The following UBE2L6 variants were observed in gnomAD, a reference collection of about 807,000 sequenced individuals.
UBE2L6 encodes the protein ubiquitin/ISG15-conjugating enzyme E2 L6.
A neutral mutation model predicts 13.6 loss-of-function variants in UBE2L6; 11 were observed. The ratio of observed to expected loss-of-function variants is 0.81; its 90% CI spans 0.51 to 1.34. The LOEUF (loss-of-function observed/expected upper bound fraction) is 1.34, where lower values mean the gene tolerates loss of function less well. Among genes scored for constraint, UBE2L6 ranks in the 40% most tolerant of loss-of-function variants. The probability of loss-of-function intolerance (pLI) is 0.00; values close to 1 mark genes in which losing one functional copy is unlikely to be tolerated. For synonymous variants in UBE2L6, 74 were observed against 83.2 expected, an observed-to-expected ratio of 0.89 and a Z score of 0.60; for missense variants, 197 against 199.5, an observed-to-expected ratio of 0.99 and a Z score of 0.07.
At chr11:57,562,731 G>A (rs1402024470) in intron 1 of UBE2L6, among the ~76,000 whole-genome samples, 1 of 152,210 alleles carries the variant, frequency 6.6e-6, no homozygotes, top group Non-Finnish European at 1.5e-5. Flanking sequence ...AAACCACAAA[G>A]GTAGTAACCT....
chr11:57,555,452 TAC>T (rs1027668039), intron 2 of UBE2L6, among the ~76,000 whole-genome samples: 2 of 152,016 alleles, frequency 1.3e-5, no homozygotes, highest in Admixed American at 6.6e-5. Context: ...AGAAACAAAA[TAC>T]AAAAGTGGTC....
chr11:57,563,023 A>C (rs1229045161), intron 1 of UBE2L6, among the ~76,000 whole-genome samples: 2 of 152,242 alleles, frequency 1.3e-5, no homozygotes, highest in Admixed American at 1.3e-4. Flanking sequence ...GGCCAATTCC[A>C]GAGAAACAGA....
At chr11:57,552,992 CAG>C (rs747958183) in intron 3 of UBE2L6, among the ~76,000 whole-genome samples, 3 of 152,156 alleles carry the variant, frequency 2.0e-5, no homozygotes, top group Non-Finnish European at 4.4e-5. Context: ...ACATGCAAAA[CAG>C]ACAGTTCCCA....
intron 2 of UBE2L6, among the ~76,000 whole-genome samples, chr11:57,557,184 G>T (rs376319849): frequency 6.6e-6 from 1 of 152,136 alleles, no homozygotes; most frequent in Non-Finnish European, 1.5e-5. Context: ...TCCGTGGAAT[G>T]GCTCCGTGCC....
chr11:57,563,222 G>A (rs1004880217), intron 1 of UBE2L6, among the ~76,000 whole-genome samples: 3 of 152,068 alleles, frequency 2.0e-5, no homozygotes, highest in African/African-American at 7.2e-5. Flanking sequence ...GGGTGCAGTG[G>A]CTCATGCCTG....
intron 3 of UBE2L6, 75 bp from the exon 4 acceptor site, chr11:57,552,584 G>T: frequency 6.4e-7 from 1 of 1,560,682 alleles, no homozygotes; most frequent in South Asian, 1.1e-5. Context: ...CCAATGTCCT[G>T]ACACTCCACA....
intron 1 of UBE2L6, among the ~76,000 whole-genome samples, chr11:57,565,363 T>TG (rs1554991406): frequency 2.2e-5 from 2 of 92,342 alleles, no homozygotes; most frequent in African/African-American, 4.1e-5. Context: ...GTTGTTTTTT[T>TG]TTTTTTTTTT....
chr11:57,553,632 C>G (rs1172887235), intron 3 of UBE2L6, among the ~76,000 whole-genome samples: 1 of 152,170 alleles, frequency 6.6e-6, no homozygotes, highest in African/African-American at 2.4e-5. Context: ...AGTTCGAGAC[C>G]AGCCTGGCTA....
At chr11:57,555,765 G>C (rs1004793882) in intron 2 of UBE2L6, among the ~76,000 whole-genome samples, 1 of 152,022 alleles carries the variant, frequency 6.6e-6, no homozygotes, top group African/African-American at 2.4e-5. Context: ...TTTTTGATAG[G>C]GTCTCACTGT....
At chr11:57,566,956 C>T (rs368014939) in intron 1 of UBE2L6, 13 of 213,398 alleles carry the variant, frequency 6.1e-5, no homozygotes, top group African/African-American at 1.5e-4. Flanking sequence ...CGCCCCCCCC[C>T]CCCTCCTAGA....
rs558331834 is a variant in UBE2L6 at position 57,564,334 on chromosome 11, C to A, written c.27+3251G>T. ...ATGAAATACGGCTGAGGGAAAAAAT[C>A]TTTTACCCTAGAATAGTATATCCAG... On this transcript the variant is annotated intron_variant, in intron 1 of 3. Transcript: ENST00000287156. 2.7e-4 allele frequency among the ~76,000 whole-genome samples: 41 copies of A among 152,256 alleles called. 1 individual carries two copies. Among genetic ancestry groups the A allele is most frequent in the South Asian group, 6.2e-4 (3 of 4,830 alleles).
Position 57,560,401 on chromosome 11 carries a change from G to T in UBE2L6, c.59C>A (p.Pro20Gln). Reference protein sequence around the residue: ...ELEDLQKKPPPYLRNLSSDDA... With the variant: ...ELEDLQKKPPQYLRNLSSDDA... ...ATCGCTGGACAGGTTCCGCAGGTAT[G>T]GGGGAGGCTTCTTCTGAAGATCCTC... The change falls in exon 2 of 4, where the codon CCA becomes CAA. Residue 20 changes from proline to glutamine, a missense_variant. Transcript: ENST00000287156. The T allele has an allele frequency of 6.2e-7, 1 of 1,613,708 alleles. No individual in the cohort carries two copies. Among genetic ancestry groups the T allele is most frequent in the African/African-American group, 1.3e-5 (1 of 74,994 alleles).
intron 2 of UBE2L6, 103 bp downstream of exon 2, chr11:57,560,234 G>A: frequency 1.2e-6 from 1 of 864,064 alleles, no homozygotes; most frequent in Non-Finnish European, 2.0e-6. Flanking sequence ...CCAGTAAAAG[G>A]ATCTCAAGCA....
intron 1 of UBE2L6, among the ~76,000 whole-genome samples, chr11:57,566,133 G>A (rs918474705): frequency 3.9e-5 from 6 of 152,162 alleles, no homozygotes; most frequent in Non-Finnish European, 7.3e-5. Flanking sequence ...AAAGCCCAGG[G>A]CTGACCGGAG....
At chr11:57,567,928 C>T, upstream of UBE2L6, 1 of 333,008 alleles carries the variant, frequency 3.0e-6, no homozygotes, top group Non-Finnish European at 5.4e-6. Context: ...GCGCCGTGCA[C>T]CGGCGGCGAG....
chr11:57,565,413 G>A (rs1038217655), intron 1 of UBE2L6, among the ~76,000 whole-genome samples: 1 of 115,910 alleles, frequency 8.6e-6, no homozygotes, highest in African/African-American at 3.2e-5. Flanking sequence ...CACCCAGATT[G>A]GAGTCCAGTG....
Position 57,552,293 on chromosome 11 carries a change from T to C in UBE2L6, c.*65A>G. ...GAATGGGCCACAGGGGGCTCTGGCC[T>C]CAGTCCATGAGGTGTGTCCGTCCGC... On this transcript the variant is annotated 3_prime_UTR_variant, in exon 4 of 4. Transcript: ENST00000287156. 6.3e-7 allele frequency: 1 copy of C among 1,590,102 alleles called. No individual in the cohort carries two copies. Among genetic ancestry groups the C allele is most frequent in the Non-Finnish European group, 8.6e-7 (1 of 1,164,778 alleles).
chr11:57,557,059 T>A (rs1426013587), intron 2 of UBE2L6, among the ~76,000 whole-genome samples: 1 of 149,346 alleles, frequency 6.7e-6, no homozygotes, highest in Admixed American at 6.7e-5. Flanking sequence ...AGAGTGAGAC[T>A]CTGTCACCAA....
In UBE2L6 at chr11:57,551,866, T is replaced by C. The variant is rs5847; in HGVS notation, c.*492A>G. ...TTGTGACTCATCCGTGGAAAATAAA[T>C]GGTTTAGCACCTAAATCTGTATATT... On this transcript the variant is annotated 3_prime_UTR_variant, in exon 4 of 4. Transcript: ENST00000287156. The C allele has an allele frequency of 0.56, 85,991 of 152,602 alleles. 24,618 individuals carry two copies. Among genetic ancestry groups the C allele is most frequent in the East Asian group, 0.79 (4,102 of 5,178 alleles). 9.5% of individuals were successfully genotyped at this position (152,602 alleles called of 1,614,324 possible).
Sources: allele counts gnomAD v4.1 joint callset (sites outside exome capture counted in the v4.1 genomes callset), GRCh38; gene constraint gnomAD v4.1.1; transcripts MANE v1.5; gene names NCBI Gene and HGNC (gene_info 2026-07-23, HGNC 2026-07-21).